MYMK: variants seen among roughly 807,000 people sequenced by gnomAD.
MYMK encodes myomaker, myoblast fusion factor.
MYMK carries 16 observed loss-of-function variants against 22.4 expected under a neutral mutation model. The observed-to-expected ratio is 0.72, with a 90% CI of 0.48 to 1.09. The LOEUF is 1.09. Ranked by LOEUF, MYMK falls within the 50% of genes least tolerant of loss-of-function variation. The pLI, the probability that MYMK is intolerant of heterozygous loss-of-function variation, is 0.00. For synonymous variants in MYMK, 125 were observed against 127.0 expected (o/e 0.98, Z 0.11); for missense variants, 250 against 295.6 (o/e 0.85, Z 1.13).
At chr9:133,519,432 T>C (rs946029653) in intron 2 of MYMK, among the ~76,000 whole-genome samples, 65 of 151,978 alleles carry the variant, frequency 4.3e-4, no homozygotes, top group African/African-American at 1.5e-3. Context: ...TCGTGGTGCA[T>C]GCCTGTCATC....
At chr9:133,520,599 G>C (rs1844691911) in intron 1 of MYMK, among the ~76,000 whole-genome samples, 1 of 152,172 alleles carries the variant, frequency 6.6e-6, no homozygotes. Flanking sequence ...GAGACTGAGT[G>C]GTCACTCAGG....
At chr9:133,520,885 T>C (rs557749135) in intron 1 of MYMK, among the ~76,000 whole-genome samples, 24 of 152,266 alleles carry the variant, frequency 1.6e-4, no homozygotes, top group Middle Eastern at 6.8e-3. Context: ...AGACACAGGT[T>C]ACTGAGCCCT....
intron 3 of MYMK, among the ~76,000 whole-genome samples, chr9:133,516,111 C>G (rs1415664705): frequency 3.9e-5 from 6 of 152,238 alleles, no homozygotes; most frequent in Admixed American, 2.6e-4. Context: ...ACAAACTTGG[C>G]CAGCACTGCT....
At chr9:133,516,158 G>A (rs547985470) in intron 3 of MYMK, among the ~76,000 whole-genome samples, 52 of 152,368 alleles carry the variant, frequency 3.4e-4, no homozygotes, top group African/African-American at 1.2e-3. Context: ...TCGCGTGGGC[G>A]TTTCCACTTA....
rs375286060 is a variant in MYMK at position 133,514,621 on chromosome 9, G to C, written c.*15C>G. The C allele has an allele frequency of 6.2e-7, 1 of 1,610,080 alleles. No individual in the cohort carries two copies. Among genetic ancestry groups the C allele is most frequent in the African/African-American group, 1.3e-5 (1 of 74,830 alleles). ...CTGGGGAGGGCAGGGGCTCAGAGCCGGGCTGGGCGCAGCATCAGACACAAG... is the reference window on the plus strand; with the variant it reads ...CTGGGGAGGGCAGGGGCTCAGAGCCCGGCTGGGCGCAGCATCAGACACAAG... On this transcript the variant is annotated 3_prime_UTR_variant, in exon 5 of 5. Coordinates refer to ENST00000339996, the MANE Select transcript of MYMK (RefSeq NM_001080483.3).
At chr9:133,520,079 G>A in intron 2 of MYMK, 95 bp downstream of exon 2, 1 of 889,894 alleles carries the variant, frequency 1.1e-6, no homozygotes, top group South Asian at 1.5e-5. Flanking sequence ...AGTGGGGATA[G>A]AGGGCTGCAG....
At chr9:133,524,579 C>T (rs1844737813) in intron 1 of MYMK, 131 bp downstream of exon 1, 1 of 1,378,110 alleles carries the variant, frequency 7.3e-7, no homozygotes, top group Non-Finnish European at 1.0e-6. Flanking sequence ...CCAGACCCCA[C>T]CTGGGCCTGC....
chr9:133,514,824 C>G, intron 4 of MYMK, 39 bp from the exon 5 acceptor site: 1 of 1,589,218 alleles, frequency 6.3e-7, no homozygotes, highest in Non-Finnish European at 8.6e-7. Context: ...CCTCAGCCCC[C>G]TCCCCGAGGC....
chr9:133,514,716 G>A lies in MYMK; in HGVS notation c.586C>T (p.Pro196Ser), dbSNP rs202174293. Residue 196 changes from proline to serine, a missense_variant, in exon 5 of 5, where the codon CCC (proline) becomes TCC (serine). Transcript: ENST00000339996. Reference sequence around the variant, plus strand: ...GATCCAGCCTTCTTGTTGACCTTGGGCAGCAGCAGAACAAAGGACATAGCC... The same window carrying A: ...GATCCAGCCTTCTTGTTGACCTTGGACAGCAGCAGAACAAAGGACATAGCC... ...ALAMSFVLLL[P>S]KVNKKAGSPG... 53 of 1,613,964 alleles carry A rather than the reference G, an allele frequency of 3.3e-5. No individual in the cohort carries two copies. Among genetic ancestry groups the A allele is most frequent in the South Asian group, 1.1e-5 (1 of 91,088 alleles).
Position 133,515,610 on chromosome 9 carries a change from G to C in MYMK, c.400-3C>G. The C allele has an allele frequency of 6.3e-7, 1 of 1,599,546 alleles. No individual in the cohort carries two copies. The highest frequency in any genetic ancestry group is 8.6e-7 in the Non-Finnish European group (1 of 1,166,822). ...TTCTTCTCCTTCATCTTCTGTAGCTGTGAGGACAGGAGGCCACAGCAAAGC... is the reference window on the plus strand; with the variant it reads ...TTCTTCTCCTTCATCTTCTGTAGCTCTGAGGACAGGAGGCCACAGCAAAGC... On this transcript the variant is annotated splice_region_variant and splice_polypyrimidine_tract_variant and intron_variant, in intron 3 of 4. Transcript: ENST00000339996. This position sits in a 1 kb window ranked among gnomAD's most constrained non-coding sequence, Gnocchi z 5.8.
Position 133,521,031 on chromosome 9 carries a change from C to T in MYMK, c.136-743G>A, listed in dbSNP as rs76580870. Among the ~76,000 whole-genome samples the T allele has an allele frequency of 9.2e-3, 1,407 of 152,256 alleles. 30 individuals are homozygous for T. The highest frequency in any genetic ancestry group is 0.032 in the African/African-American group (1,340 of 41,552). ...TAGCTCCTGGTTTCTGTTGCCTTAA[C>T]GTGGACGAAGATCTCTGAGACCCCC... On this transcript the variant is annotated intron_variant, in intron 1 of 4. Coordinates refer to ENST00000339996, the MANE Select transcript of MYMK (RefSeq NM_001080483.3).
rs1452007023 is a variant in MYMK at position 133,524,868 on chromosome 9, G to A, written c.-24C>T. 9.5e-6 allele frequency: 15 copies of A among 1,585,460 alleles called. No individual in the cohort carries two copies. Among genetic ancestry groups the A allele is most frequent in the Non-Finnish European group, 1.3e-5 (15 of 1,165,500 alleles). Reference sequence around the variant, plus strand: ...ATGGGCCAGGAGGAAAGCACTGGCTGGGGTGGGGAGGGTGCTGGTGTCCCA... The same window carrying A: ...ATGGGCCAGGAGGAAAGCACTGGCTAGGGTGGGGAGGGTGCTGGTGTCCCA... On this transcript the variant is annotated 5_prime_UTR_variant, in exon 1 of 5. Coordinates refer to ENST00000339996, the MANE Select transcript of MYMK (RefSeq NM_001080483.3).
intron 3 of MYMK, among the ~76,000 whole-genome samples, chr9:133,518,556 G>A (rs1381658918): frequency 2.6e-5 from 4 of 152,238 alleles, no homozygotes; most frequent in African/African-American, 9.6e-5. Context: ...CCTGATCTCA[G>A]TGAGTCTTTG....
chr9:133,518,891 T>A lies in MYMK; in HGVS notation c.382A>T (p.Ile128Phe). 2 of 1,612,978 alleles carry A rather than the reference T, an allele frequency of 1.2e-6. No individual in the cohort carries two copies. Among genetic ancestry groups the A allele is most frequent in the East Asian group, 4.5e-5 (2 of 44,848 alleles). The change falls in exon 3 of 5, where the codon ATC (isoleucine) becomes TTC (phenylalanine). Residue 128 changes from isoleucine to phenylalanine, a missense_variant. Transcript: ENST00000339996. ...GTACGCACCCACTTTGCCGCGATGA[T>A]GAGGATGGCTGTGCCGATGGGGCCC... ...YSGPIGTAIL[I>F]IAAKWLQKMK...
chr9:133,520,361 G>T, intron 1 of MYMK, 73 bp from the exon 2 acceptor site: 3 of 1,205,190 alleles, frequency 2.5e-6, no homozygotes, highest in Admixed American at 1.8e-5. Flanking sequence ...CCCCCAGAGT[G>T]CCAGGTCACT....
intron 1 of MYMK, among the ~76,000 whole-genome samples, chr9:133,523,239 C>T (rs1035511704): frequency 6.6e-6 from 1 of 152,270 alleles, no homozygotes. Context: ...TGCAAACACA[C>T]GTGTGAGCTC....
intron 3 of MYMK, among the ~76,000 whole-genome samples, chr9:133,518,189 T>C (rs1844654538): frequency 6.6e-6 from 1 of 152,168 alleles, no homozygotes; most frequent in Non-Finnish European, 1.5e-5. Context: ...GATCCCTCTT[T>C]AGCTTGGGCG....
chr9:133,519,492 C>T (rs145980220), intron 2 of MYMK, among the ~76,000 whole-genome samples: 41 of 152,214 alleles, frequency 2.7e-4, no homozygotes, highest in East Asian at 2.1e-3. Context: ...GCTGTGAGTT[C>T]GAGGCTGCAG....
At chr9:133,520,859 G>A (rs1019029357) in intron 1 of MYMK, among the ~76,000 whole-genome samples, 1 of 152,154 alleles carries the variant, frequency 6.6e-6, no homozygotes, top group Non-Finnish European at 1.5e-5. Flanking sequence ...GCATCAGAAC[G>A]CCTGGGGCCT....
Sources: allele counts gnomAD v4.1 joint callset (sites outside exome capture counted in the v4.1 genomes callset), GRCh38; gene constraint gnomAD v4.1.1; non-coding constraint Gnocchi (gnomAD v3.1); transcripts MANE v1.5; gene names NCBI Gene and HGNC (gene_info 2026-07-23, HGNC 2026-07-21).